The following MBD1 variants were observed in gnomAD, a reference collection of about 807,000 sequenced individuals.
MBD1 encodes the protein methyl-CpG-binding domain protein 1.
A neutral mutation model predicts 82.6 loss-of-function variants in MBD1; 25 were observed. The ratio of observed to expected loss-of-function variants is 0.30; its 90% CI spans 0.22 to 0.42. The LOEUF (loss-of-function observed/expected upper bound fraction) is 0.42, where lower values mean the gene tolerates loss of function less well. Among genes scored for constraint, MBD1 ranks in the 10% least tolerant of loss-of-function variants. MBD1 has a pLI of 1.00. For synonymous variants in MBD1, 301 were observed against 303.7 expected (o/e 0.99, Z 0.09); for missense variants, 627 against 819.6 (o/e 0.76, Z 2.87).
At chr18:50,275,461 G>C (rs1482365358) in intron 8 of MBD1, 139 bp downstream of exon 8, 2 of 1,596,562 alleles carry the variant, frequency 1.3e-6, no homozygotes, top group African/African-American at 1.3e-5. Flanking sequence ...GACAGAGGCA[G>C]GTAGGCGGGG....
At chr18:50,279,834 G>T (rs1317524301) in intron 2 of MBD1, 49 bp downstream of exon 2, 1 of 1,612,156 alleles carries the variant, frequency 6.2e-7, no homozygotes, top group East Asian at 2.2e-5. Context: ...GATTTTACCA[G>T]AATCAGGCTC....
rs1029978935 is a variant in MBD1, at chr18:50,279,070, T to C, written c.110+813A>G. 3.3e-5 allele frequency among the ~76,000 whole-genome samples: 5 copies of C among 152,336 alleles called. No homozygotes were observed. In the Middle Eastern group the frequency reaches 0.01, roughly 311 times the overall value. The stretch of plus-strand genomic sequence containing the variant: ...AGACTCCTGATCAGCAGAACCTGCA[T>C]TGCATGCAGGTTTAACATGTTTCAT... On this transcript the variant is annotated intron_variant, in intron 2 of 16. Coordinates refer to ENST00000269468, the MANE Select transcript of MBD1 (RefSeq NM_015846.4).
downstream of MBD1, among the ~76,000 whole-genome samples, chr18:50,268,191 G>C (rs187232203): frequency 3.3e-5 from 5 of 152,320 alleles, no homozygotes; most frequent in Middle Eastern, 3.4e-3. Flanking sequence ...CACATCCTCC[G>C]GGAAGGCGGC....
intron 15 of MBD1, among the ~76,000 whole-genome samples, chr18:50,271,977 G>A (rs903086469): frequency 6.6e-6 from 1 of 152,168 alleles, no homozygotes; most frequent in African/African-American, 2.4e-5. Context: ...GCACTCCTCT[G>A]TCCTCCCAAC....
intron 16 of MBD1, chr18:50,270,360 C>T (rs569324702): frequency 3.3e-6 from 2 of 613,636 alleles, no homozygotes; most frequent in East Asian, 3.5e-5. Context: ...CTTTTTGGCA[C>T]TTTATGAATG....
chr18:50,275,324 A>G (rs1319421335), intron 8 of MBD1, 79 bp from the exon 9 acceptor site: 2 of 1,611,270 alleles, frequency 1.2e-6, no homozygotes, highest in Admixed American at 3.3e-5. Context: ...TAAGTGCAGA[A>G]AGCATGCATG....
Position 50,275,237 on chromosome 18 carries a change from A to G in MBD1, c.801T>C (p.His267=). The G allele has an allele frequency of 1.2e-6, 2 of 1,614,062 alleles. No homozygotes were observed. The highest frequency in any genetic ancestry group is 1.7e-6 in the Non-Finnish European group (2 of 1,179,978). The part of the protein sequence containing the change: ...CVQRRCLRGK[H]ARRKGGCDSK... ...AGTCACAGCCTCCCTTGCGGCGGGC[A>G]TGTTTACCCTGGGAAAGATCAGAAA... Residue 267 remains histidine, a synonymous_variant, in exon 9 of 17, where the codon CAT becomes CAC. Coordinates refer to ENST00000269468, the MANE Select transcript of MBD1 (RefSeq NM_015846.4).
intron 11 of MBD1, 70 bp downstream of exon 11, chr18:50,274,116 C>T: frequency 6.2e-7 from 1 of 1,600,364 alleles, no homozygotes; most frequent in Non-Finnish European, 8.5e-7. Context: ...CAAGCCTGCC[C>T]ACCACTTCCA....
At chr18:50,267,714 G>A (rs933402097), downstream of MBD1, 7 of 1,288,316 alleles carry the variant, frequency 5.4e-6, no homozygotes, top group African/African-American at 4.4e-5. Context: ...TAAAGTGGGG[G>A]TGAGCATAGA....
At chr18:50,273,274 T>A (rs2036389989) in intron 13 of MBD1, 60 bp downstream of exon 13, 1 of 1,604,404 alleles carries the variant, frequency 6.2e-7, no homozygotes, top group Non-Finnish European at 8.5e-7. Context: ...TGGCTCATCA[T>A]CACTCTGCTT....
intron 8 of MBD1, 175 bp from the exon 9 acceptor site, chr18:50,275,420 G>C (rs549280501): frequency 6.2e-7 from 1 of 1,602,930 alleles, no homozygotes; most frequent in Non-Finnish European, 8.5e-7. Flanking sequence ...CTCTGATGAC[G>C]GCGACGCAGG....
In MBD1 at chr18:50,275,012, C is replaced by T. The variant is rs142015383; in HGVS notation, c.943G>A (p.Glu315Lys). ...TCGTCTACACAGTAATAGATGAACT[C>T]GGCAGGTGGCGAGGGGGCCAGGGCT... is the stretch of plus-strand genomic sequence containing the variant. ...PRALAPSPPAEFIYYCVDEDE... is the reference protein window; with the variant it reads ...PRALAPSPPAKFIYYCVDEDE... The change falls in exon 10 of 17, where the codon GAG (glutamate) becomes AAG (lysine). Residue 315 changes from glutamate (E) to lysine (K), a missense_variant. Glu to Lys is a moderately conservative substitution (Grantham distance 56, BLOSUM62 1). Transcript: ENST00000269468. 915 of 1,614,188 alleles carry T rather than the reference C, an allele frequency of 5.7e-4. 2 individuals are homozygous for T. Among genetic ancestry groups the T allele is most frequent in the Non-Finnish European group, 6.7e-4 (785 of 1,180,030 alleles).
intron 1 of MBD1, 150 bp from the exon 2 acceptor site, chr18:50,280,167 C>A (rs2039655641): frequency 3.0e-6 from 2 of 661,378 alleles, no homozygotes; most frequent in Non-Finnish European, 5.1e-6. Context: ...GAAAAGAAAC[C>A]CCTCATATTC....
Position 50,272,859 on chromosome 18 carries a change from G to C in MBD1, c.1681C>G (p.Pro561Ala), listed in dbSNP as rs78525701. 3.3e-5 allele frequency: 54 copies of C among 1,614,214 alleles called. No homozygotes were observed. In the East Asian group the frequency reaches 1.2e-3, roughly 35 times the overall value. ...NKDDSASKLA[P>A]EEEAGGAGTP... Reference sequence around the variant, plus strand: ...CCAGCCCCTCCTGCCTCTTCCTCTGGGGCCAATTTGGAGGCAGAATCATCC... The same window carrying C: ...CCAGCCCCTCCTGCCTCTTCCTCTGCGGCCAATTTGGAGGCAGAATCATCC... Residue 561 changes from proline to alanine, a missense_variant, in exon 14 of 17, where the codon CCA becomes GCA. This residue lies in a region of MBD1 where 265 missense variants were observed against 278.4 expected (regional missense o/e 0.95). Transcript: ENST00000269468.
In MBD1 at chr18:50,269,110, G is replaced by A. The variant is rs1476322340; in HGVS notation, c.*741C>T. The A allele has an allele frequency of 2.0e-6, 2 of 1,019,282 alleles. No homozygotes were observed. The highest frequency in any genetic ancestry group is 3.9e-5 in the South Asian group (1 of 25,622). The allele number at this position is 1,019,282 out of a possible 1,614,324, so 63.1% of individuals were successfully genotyped here. On this transcript the variant is annotated 3_prime_UTR_variant, in exon 17 of 17. Coordinates refer to ENST00000269468, the MANE Select transcript of MBD1 (RefSeq NM_015846.4). ...TTTCTGTATCCTAGTATTAAGTACA[G>A]TGCCTACCACAGGCCAGGTTCTCAA...
At chr18:50,267,755 C>T, downstream of MBD1, 1 of 812,860 alleles carries the variant, frequency 1.2e-6, no homozygotes, top group Non-Finnish European at 2.1e-6. Context: ...CAAATCAGTA[C>T]CTACGTCAAA....
At chr18:50,274,832 G>C (rs187828390) in intron 10 of MBD1, 145 bp downstream of exon 10, 323 of 822,472 alleles carry the variant, frequency 3.9e-4, no homozygotes, top group Middle Eastern at 8.5e-4. Flanking sequence ...CCCCGTATTA[G>C]TCCTCCATTA....
intron 8 of MBD1, 129 bp from the exon 9 acceptor site, chr18:50,275,374 G>C (rs757484905): frequency 1.6e-5 from 25 of 1,610,926 alleles, no homozygotes; most frequent in African/African-American, 5.3e-5. Flanking sequence ...ACTCACAGTT[G>C]GGGGAGCCAC....
Position 50,272,948 on chromosome 18 carries a change from T to C in MBD1, c.1592A>G (p.Asp531Gly). 1 of 1,614,084 alleles carries C rather than the reference T, an allele frequency of 6.2e-7. No individual in the cohort carries two copies. Among genetic ancestry groups the C allele is most frequent in the Non-Finnish European group, 8.5e-7 (1 of 1,180,018 alleles). The change falls in exon 14 of 17, where the codon GAC (aspartate) becomes GGC (glycine). Residue 531 changes from aspartate to glycine, a missense_variant. This residue lies in a region of MBD1 where 265 missense variants were observed against 278.4 expected (regional missense o/e 0.95). Transcript: ENST00000269468. ...LVPGCPSKAVDPGLPSVKQEP... is the reference protein window; with the variant it reads ...LVPGCPSKAVGPGLPSVKQEP... ...TTGCTTCACAGAAGGCAGGCCTGGG[T>C]CTACTGCCTGGGAGAAGTAGGAAAC...
Sources: allele counts gnomAD v4.1 joint callset (sites outside exome capture counted in the v4.1 genomes callset), GRCh38; gene constraint gnomAD v4.1.1; regional missense constraint gnomAD v4.1.1; transcripts MANE v1.5; gene names NCBI Gene and HGNC (gene_info 2026-07-23, HGNC 2026-07-21).